PBRM1: variants seen among roughly 807,000 people sequenced by gnomAD.
PBRM1 encodes polybromo 1, also known as protein polybromo-1.
In PBRM1, 27 loss-of-function variants were observed where a neutral mutation model predicts 194.5. That is an observed-to-expected ratio of 0.14 (90% CI 0.10 to 0.19). The LOEUF is 0.19. Ranked by LOEUF, PBRM1 falls within the 10% of genes least tolerant of loss-of-function variation. The pLI, the probability that PBRM1 is intolerant of heterozygous loss-of-function variation, is 1.00. For missense variants in PBRM1, 1,466 were observed against 2,077.2 expected, an observed-to-expected ratio of 0.71 and a Z score of 5.72; for synonymous variants, 655 against 693.2, an observed-to-expected ratio of 0.94 and a Z score of 0.87.
chr3:52,564,979 C>A, intron 22 of PBRM1, among the ~76,000 whole-genome samples: 1 of 151,934 alleles, frequency 6.6e-6, no homozygotes, highest in African/African-American at 2.4e-5. Flanking sequence ...GCAGCAGAAA[C>A]ACGAGGTCAA....
intron 17 of PBRM1, among the ~76,000 whole-genome samples, chr3:52,601,410 A>G (rs770841052): frequency 1.3e-5 from 2 of 152,218 alleles, no homozygotes; most frequent in Non-Finnish European, 2.9e-5. Flanking sequence ...TCAGGCATTA[A>G]GAGTTTCATA....
intron 15 of PBRM1, among the ~76,000 whole-genome samples, chr3:52,611,476 T>A (rs967688868): frequency 6.6e-6 from 1 of 151,992 alleles, no homozygotes; most frequent in Non-Finnish European, 1.5e-5. Flanking sequence ...TACCAATTTA[T>A]AGGAAATACA....
At chr3:52,586,333 C>G (rs1451584156) in intron 20 of PBRM1, 92 bp downstream of exon 22, 2 of 1,136,418 alleles carry the variant, frequency 1.8e-6, no homozygotes, top group East Asian at 2.4e-5. Context: ...TGTTGTTGCT[C>G]TTTTTCTAAG....
intron 20 of PBRM1, among the ~76,000 whole-genome samples, chr3:52,582,207 A>G (rs1446853314): frequency 7.1e-6 from 1 of 140,330 alleles, no homozygotes; most frequent in East Asian, 2.3e-4. Context: ...GCGCCACTGC[A>G]CTCCAGCCTG....
intron 15 of PBRM1, among the ~76,000 whole-genome samples, chr3:52,611,752 C>CA (rs1426603978): frequency 4.0e-5 from 6 of 151,866 alleles, no homozygotes; most frequent in African/African-American, 1.5e-4. Flanking sequence ...GGCAATGAGC[C>CA]AAAAATGTGC....
rs1387885096 is a variant in PBRM1, at chr3:52,585,213, G to A, written c.3387+1212C>T. Among the ~76,000 whole-genome samples the A allele has an allele frequency of 5.9e-5, 9 of 152,190 alleles. No homozygotes were observed. The East Asian group carries it at 1.4e-3, about 23-fold the overall frequency. On this transcript the variant is annotated intron_variant, in intron 20 of 29. Coordinates refer to ENST00000296302, the Ensembl canonical transcript of PBRM1. ...TTTTTGTTTTTATTTTTCAGGTTGT[G>A]AAATCAAGATTATCTTGGCTTTGCA...
chr3:52,586,398 T>C (rs747309005), intron 20 of PBRM1, 27 bp downstream of exon 22: 1 of 1,573,940 alleles, frequency 6.4e-7, no homozygotes, highest in Non-Finnish European at 8.6e-7. Context: ...ATGTAAAATT[T>C]TTTCTGTGTG....
At chr3:52,582,241 CA>C (rs71084194) in intron 20 of PBRM1, among the ~76,000 whole-genome samples, 114 of 91,260 alleles carry the variant, frequency 1.2e-3, no homozygotes, top group South Asian at 3.2e-3. Flanking sequence ...GACTCCGTTT[CA>C]AAAAAAAAAA....
At chr3:52,642,431 A>G (rs1413023408) in intron 9 of PBRM1, among the ~76,000 whole-genome samples, 1 of 152,020 alleles carries the variant, frequency 6.6e-6, no homozygotes, top group Non-Finnish European at 1.5e-5. Context: ...CCTGGCCAAC[A>G]TGGTGAAACC....
In PBRM1 at chr3:52,553,133, A is replaced by T. The variant is rs528081268; in HGVS notation, c.4609+1591T>A. On this transcript the variant is annotated intron_variant, in intron 27 of 29. Coordinates refer to ENST00000296302, the Ensembl canonical transcript of PBRM1. ...TCCAACACTGGTACAAGCAAATTTA[A>T]CAAGTTTCCAACCACATTTTACCAT... Among the ~76,000 whole-genome samples, 6 of 152,344 alleles carry T rather than the reference A, an allele frequency of 3.9e-5. No individual in the cohort carries two copies. In the East Asian group the frequency reaches 1.2e-3, roughly 29 times the overall value.
At chr3:52,685,070 T>G (rs543524718) in intron 1 of PBRM1, among the ~76,000 whole-genome samples, 1 of 152,228 alleles carries the variant, frequency 6.6e-6, no homozygotes, top group Non-Finnish European at 1.5e-5. Context: ...ATTAAAACAA[T>G]TCACCCCAAC....
At chr3:52,625,930 T>C (rs1232131302) in intron 13 of PBRM1, among the ~76,000 whole-genome samples, 2 of 152,170 alleles carry the variant, frequency 1.3e-5, no homozygotes, top group African/African-American at 4.8e-5. Flanking sequence ...CACAGGTATG[T>C]AATTTTCGAG....
chr3:52,663,090 T>A (rs2096760102), intron 3 of PBRM1, among the ~76,000 whole-genome samples: 1 of 152,238 alleles, frequency 6.6e-6, no homozygotes, highest in Non-Finnish European at 1.5e-5. Context: ...AATAAAACTT[T>A]AAAAATGCAT....
At chr3:52,597,354 A>G (rs1392557878) in intron 17 of PBRM1, among the ~76,000 whole-genome samples, 1 of 152,178 alleles carries the variant, frequency 6.6e-6, no homozygotes, top group Non-Finnish European at 1.5e-5. Flanking sequence ...GGAGGCTTCT[A>G]TTCGGCCATC....
At chr3:52,575,016 C>T (rs1290632805) in intron 22 of PBRM1, among the ~76,000 whole-genome samples, 3 of 152,108 alleles carry the variant, frequency 2.0e-5, no homozygotes, top group Admixed American at 6.6e-5. Flanking sequence ...ATCCTACCAC[C>T]TCAGCCTCCT....
intron 22 of PBRM1, among the ~76,000 whole-genome samples, chr3:52,573,577 G>A (rs550218697): frequency 6.6e-6 from 1 of 152,290 alleles, no homozygotes; most frequent in East Asian, 1.9e-4. Flanking sequence ...TTACAGGCAT[G>A]AGCCACCATG....
intron 1 of PBRM1, chr3:52,685,463 AACGTTG>A (rs1272229555): frequency 6.6e-6 from 1 of 152,150 alleles, no homozygotes; most frequent in African/African-American, 2.4e-5. Context: ...GACTGAGGGA[AACGTTG>A]ACAGCTTTGA....
intron 14 of PBRM1, among the ~76,000 whole-genome samples, chr3:52,616,680 G>A (rs1385216767): frequency 5.3e-5 from 8 of 152,160 alleles, no homozygotes; most frequent in African/African-American, 1.2e-4. Context: ...GCGACAGAGC[G>A]AGACTCCGTC....
chr3:52,630,373 T>C (rs2095578698), intron 11 of PBRM1, among the ~76,000 whole-genome samples: 1 of 152,182 alleles, frequency 6.6e-6, no homozygotes, highest in African/African-American at 2.4e-5. Context: ...CACTGTACAA[T>C]ATAGTAGCCA....
Sources: gnomAD v4.1 joint callset for allele counts (sites outside exome capture counted in the v4.1 genomes callset) on GRCh38, gnomAD v4.1.1 for gene constraint, MANE v1.5 for transcripts, NCBI Gene and HGNC (gene_info 2026-07-23, HGNC 2026-07-21) for gene names.